The following BPTF variants were observed in gnomAD, a reference collection of about 807,000 sequenced individuals.
BPTF encodes nucleosome-remodeling factor subunit BPTF.
Under a neutral mutation model 292.5 loss-of-function variants are expected in BPTF, and 18 were observed. That is an observed-to-expected ratio of 0.06 (90% CI 0.04 to 0.09). The LOEUF is 0.09. Among genes scored for constraint, BPTF ranks in the 10% least tolerant of loss-of-function variants. BPTF has a pLI of 1.00. For missense variants in BPTF, 2,726 were observed against 3,498.7 expected (o/e 0.78, Z 5.57); for synonymous variants, 1,225 against 1,251.9 (o/e 0.98, Z 0.45).
chr17:67,894,273 T>A, intron 7 of BPTF, 108 bp downstream of exon 7: 1 of 1,158,296 alleles, frequency 8.6e-7, no homozygotes. Flanking sequence ...TTGAAGACTT[T>A]ACTTTTGGCC....
At chr17:67,910,806 A>T in intron 10 of BPTF, 71 bp from the exon 11 acceptor site, 7 of 1,143,376 alleles carry the variant, frequency 6.1e-6, no homozygotes, top group Non-Finnish European at 7.9e-6. Flanking sequence ...TCTCAAAAAA[A>T]AAAATATATA....
intron 19 of BPTF, among the ~76,000 whole-genome samples, chr17:67,943,073 G>A (rs1442262544): frequency 6.6e-6 from 1 of 152,120 alleles, no homozygotes; most frequent in African/African-American, 2.4e-5. Context: ...ATGAAATACA[G>A]TGTTATCATC....
chr17:67,875,395 A>G (rs2059993427), intron 4 of BPTF, among the ~76,000 whole-genome samples: 1 of 152,182 alleles, frequency 6.6e-6, no homozygotes, highest in African/African-American at 2.4e-5. Flanking sequence ...TACTCTCTGA[A>G]TTACCTATTG....
Position 67,902,275 on chromosome 17 carries a change from C to T in BPTF, c.2544-1514C>T, listed in dbSNP as rs73995058. 8.8e-3 allele frequency among the ~76,000 whole-genome samples: 1,336 copies of T among 152,252 alleles called. 17 individuals carry two copies. The highest frequency in any genetic ancestry group is 0.031 in the African/African-American group (1,289 of 41,538). On this transcript the variant is annotated intron_variant, in intron 7 of 27. Coordinates refer to ENST00000306378, the MANE Select transcript of BPTF (RefSeq NM_182641.4). The stretch of plus-strand genomic sequence containing the variant: ...CCTTCAGACAGTGCTCCATTCCTGG[C>T]CTCTCTCAGTGAAAATGGCCCAGTT...
At chr17:67,903,084 G>A (rs1006533960) in intron 7 of BPTF, among the ~76,000 whole-genome samples, 62 of 152,344 alleles carry the variant, frequency 4.1e-4, no homozygotes, top group African/African-American at 1.3e-3. Context: ...TCATGATTTA[G>A]GTCAATATGG....
At chr17:67,885,057 G>GT (rs1307471496) in intron 4 of BPTF, among the ~76,000 whole-genome samples, 2 of 151,930 alleles carry the variant, frequency 1.3e-5, no homozygotes, top group Non-Finnish European at 2.9e-5. Flanking sequence ...AGGTTGTCAG[G>GT]TTTTTTTCCT....
chr17:67,976,069 C>A, intron 27 of BPTF, 111 bp downstream of exon 27: 1 of 686,854 alleles, frequency 1.5e-6, no homozygotes, highest in Non-Finnish European at 2.0e-6. Flanking sequence ...CCTTAAATAT[C>A]TTTAAAAAAA....
chr17:67,976,882 G>C (rs2069547893), intron 27 of BPTF, among the ~76,000 whole-genome samples: 1 of 152,046 alleles, frequency 6.6e-6, no homozygotes, highest in South Asian at 2.1e-4. Context: ...TGAGGGGTGG[G>C]TGGAGCAAGG....
chr17:67,868,064 T>C (rs1296234035), intron 3 of BPTF, among the ~76,000 whole-genome samples: 1 of 152,238 alleles, frequency 6.6e-6, no homozygotes, highest in Admixed American at 6.5e-5. Flanking sequence ...TATACATTCA[T>C]GGATATTTTA....
At chr17:67,908,394 A>T (rs1012673768) in intron 9 of BPTF, among the ~76,000 whole-genome samples, 1 of 151,696 alleles carries the variant, frequency 6.6e-6, no homozygotes. Context: ...GCCTCAAGTG[A>T]TCTGCCTGCC....
At position 67,847,062 on chromosome 17, in the gene BPTF, T is replaced by TA. The variant is rs1430804362; in HGVS notation, c.614-6877dup. 2.0e-5 allele frequency among the ~76,000 whole-genome samples: 3 copies of TA among 152,190 alleles called. No homozygotes were observed. In the East Asian group the frequency reaches 5.8e-4, roughly 29 times the overall value. The stretch of plus-strand genomic sequence containing the variant: ...TGGGACCTGTGTTGGTTGTAACTCT[T>TA]AGTGGTACTGGCTGTGACCTTGGAC... On this transcript the variant is annotated intron_variant, in intron 1 of 27. Transcript: ENST00000306378.
intron 27 of BPTF, among the ~76,000 whole-genome samples, chr17:67,981,190 G>A (rs1555696491): frequency 6.6e-6 from 1 of 152,162 alleles, no homozygotes; most frequent in African/African-American, 2.4e-5. Flanking sequence ...AAATTACAAT[G>A]TAAAGAGTTG....
rs2056020104 is a variant in BPTF at position 67,826,282 on chromosome 17, C to T, written c.558C>T (p.Ala186=). The change falls in exon 1 of 28, where the codon GCC becomes GCT. Residue 186 remains alanine, a synonymous_variant. Transcript: ENST00000306378. The part of the protein sequence containing the change: ...PEEMEDDDDD[A]SYCTESSFRS... The stretch of plus-strand genomic sequence containing the variant: ...AGATGGAAGACGACGACGACGACGC[C>T]AGTTACTGCACGGAAAGCAGCTTCA... The T allele has an allele frequency of 6.2e-7, 1 of 1,613,138 alleles. No homozygotes were observed. The highest frequency in any genetic ancestry group is 1.3e-5 in the African/African-American group (1 of 74,892).
At chr17:67,963,824 T>A (rs1555685306) in intron 24 of BPTF, among the ~76,000 whole-genome samples, 1 of 152,210 alleles carries the variant, frequency 6.6e-6, no homozygotes, top group African/African-American at 2.4e-5. Flanking sequence ...GAAATGGTGC[T>A]TTATTGTAGG....
chr17:67,847,300 A>T (rs2058091754), intron 1 of BPTF, among the ~76,000 whole-genome samples: 1 of 152,008 alleles, frequency 6.6e-6, no homozygotes, highest in South Asian at 2.1e-4. Context: ...GGATCACCTG[A>T]GGTCAGGAGT....
intron 8 of BPTF, 147 bp downstream of exon 8, chr17:67,904,065 G>A (rs2062021763): frequency 1.3e-6 from 1 of 799,140 alleles, no homozygotes; most frequent in South Asian, 2.3e-5. Context: ...GTCTCGCTCT[G>A]TTGCCCAGAT....
At chr17:67,965,195 T>C (rs1255829413) in intron 25 of BPTF, 4 of 150,546 alleles carry the variant, frequency 2.7e-5, no homozygotes, top group East Asian at 3.9e-4. Context: ...TACAAAAAAT[T>C]AGCCAGGTGC....
intron 11 of BPTF, among the ~76,000 whole-genome samples, chr17:67,915,178 C>G (rs1465092370): frequency 1.3e-5 from 2 of 152,132 alleles, no homozygotes; most frequent in African/African-American, 4.8e-5. Context: ...CTCATACACT[C>G]AATAGGGCCT....
intron 18 of BPTF, among the ~76,000 whole-genome samples, chr17:67,937,476 G>A (rs2065008992): frequency 6.6e-6 from 1 of 152,154 alleles, no homozygotes; most frequent in Non-Finnish European, 1.5e-5. Flanking sequence ...AGGGAGGGTT[G>A]AAATTTTAGG....
Sources: gnomAD v4.1 joint callset for allele counts (sites outside exome capture counted in the v4.1 genomes callset) on GRCh38, gnomAD v4.1.1 for gene constraint, MANE v1.5 for transcripts, NCBI Gene and HGNC (gene_info 2026-07-23, HGNC 2026-07-21) for gene names.